Variants in MYH8 observed in about 807,000 individuals in gnomAD.
MYH8 encodes the protein myosin-8.
MYH8 carries 168 observed loss-of-function variants against 233.2 expected under a neutral mutation model. That is an observed-to-expected ratio of 0.72 (90% CI 0.64 to 0.82). The LOEUF (loss-of-function observed/expected upper bound fraction) is 0.82. MYH8 is among the 40% of genes least tolerant of loss of function. The probability of loss-of-function intolerance (pLI) is 0.00; values close to 1 mark genes in which losing one functional copy is unlikely to be tolerated. For missense variants in MYH8, 1,995 were observed against 2,327.8 expected, an observed-to-expected ratio of 0.86 and a Z score of 2.94; for synonymous variants, 785 against 850.6, an observed-to-expected ratio of 0.92 and a Z score of 1.34.
At position 10,406,405 on chromosome 17, in the gene MYH8, G is replaced by A; in HGVS notation, c.2172-8C>T. Reference sequence around the variant, plus strand: ...GCATTTAAAACCTTGTATCTGCTCAGTTAAAGAAAGAAAGAATGGTTAGGA... The same window carrying A: ...GCATTTAAAACCTTGTATCTGCTCAATTAAAGAAAGAAAGAATGGTTAGGA... On this transcript the variant is annotated splice_polypyrimidine_tract_variant and splice_region_variant and intron_variant, in intron 19 of 39. Transcript: ENST00000403437. 1 of 1,613,884 alleles carries A rather than the reference G, an allele frequency of 6.2e-7. No homozygotes were observed. Among genetic ancestry groups the A allele is most frequent in the Non-Finnish European group, 8.5e-7 (1 of 1,179,858 alleles).
chr17:10,394,606 G>C (rs1266784238), intron 34 of MYH8, among the ~76,000 whole-genome samples, 154 bp from the exon 35 acceptor site: 2 of 152,192 alleles, frequency 1.3e-5, no homozygotes, highest in African/African-American at 4.8e-5. Context: ...ATTTGCTTAG[G>C]GTGAGAGAGA....
intron 12 of MYH8, 152 bp downstream of exon 12, chr17:10,413,750 G>T: frequency 8.8e-7 from 1 of 1,141,330 alleles, no homozygotes. Flanking sequence ...ATGTAAGGAA[G>T]AGAGGGGGTG....
chr17:10,405,918 G>A (rs770478501), intron 21 of MYH8, 123 bp downstream of exon 21: 14 of 1,189,114 alleles, frequency 1.2e-5, no homozygotes, highest in East Asian at 2.3e-5. Flanking sequence ...TGTGTTGTAG[G>A]AGTGAGTTCT....
In MYH8 at chr17:10,410,593, A is replaced by G. The variant is rs184836419; in HGVS notation, c.1587+184T>C. ...AGAATAAGAATGGTTAGAACAGAAT[A>G]AAAGTAAACACTGTCAGATCTTTCT... On this transcript the variant is annotated intron_variant, in intron 15 of 39. Transcript: ENST00000403437. Among the ~76,000 whole-genome samples the G allele has an allele frequency of 2.4e-3, 369 of 152,388 alleles. 1 individual carries two copies. Among genetic ancestry groups the G allele is most frequent in the Middle Eastern group, 0.017 (5 of 294 alleles).
rs1350510984 is a variant in MYH8 at position 10,400,843 on chromosome 17, G to GA, written c.3345+25dup. ...AACTTCAGTGTTTTTTTGGTGTGCA[G>GA]AAAAAATAGAGGTGAGATGACTCAC... On this transcript the variant is annotated intron_variant, in intron 26 of 39. Transcript: ENST00000403437. This position sits in a 1 kb window ranked among gnomAD's most constrained non-coding sequence, Gnocchi z 4.0. 3 of 1,613,746 alleles carry GA rather than the reference G, an allele frequency of 1.9e-6. No homozygotes were observed. The highest frequency in any genetic ancestry group is 2.2e-5 in the East Asian group (1 of 44,882).
Position 10,406,949 on chromosome 17 carries a change from T to A in MYH8, c.1996A>T (p.Arg666Trp). 6.2e-7 allele frequency: 1 copy of A among 1,614,072 alleles called. No individual in the cohort carries two copies. The highest frequency in any genetic ancestry group is 8.5e-7 in the Non-Finnish European group (1 of 1,179,928). The stretch of plus-strand genomic sequence containing the variant: ...CGTACGAAGTGAGGGTGTGTGCTCC[T>A]CAGATTCGTCATCAATTTATTTAAA... ...ENLNKLMTNLRSTHPHFVRCI... is the reference protein window; with the variant it reads ...ENLNKLMTNLWSTHPHFVRCI... The change falls in exon 18 of 40, where the codon AGG becomes TGG. Residue 666 changes from arginine to tryptophan, a missense_variant. Physicochemically the swap from Arg to Trp is moderately radical, Grantham distance 101 (BLOSUM62 -3). This residue lies in a region of MYH8 where 1,498 missense variants were observed against 1,680.9 expected (regional missense o/e 0.89). Transcript: ENST00000403437.
chr17:10,406,855 C>G, intron 18 of MYH8, 37 bp downstream of exon 18: 1 of 1,611,676 alleles, frequency 6.2e-7, no homozygotes, highest in Non-Finnish European at 8.5e-7. Flanking sequence ...ACTTTCAAAC[C>G]TGTGCCCGTT....
intron 38 of MYH8, among the ~76,000 whole-genome samples, chr17:10,392,236 A>G (rs921036754): frequency 6.6e-6 from 1 of 152,228 alleles, no homozygotes; most frequent in African/African-American, 2.4e-5. Context: ...TCTATTTTAC[A>G]GGTGAAGAAA....
In MYH8 at chr17:10,400,293, A is replaced by G. The variant is rs926470101; in HGVS notation, c.3735+97T>C. The G allele has an allele frequency of 1.4e-6, 2 of 1,412,328 alleles. No homozygotes were observed. Among genetic ancestry groups the G allele is most frequent in the African/African-American group, 2.8e-5 (2 of 71,152 alleles). The allele number at this position is 1,412,328 out of a possible 1,614,324, so 87.5% of individuals were successfully genotyped here. On this transcript the variant is annotated intron_variant, in intron 27 of 39. Transcript: ENST00000403437. The surrounding 1 kb of genome is among the most constrained non-coding windows in gnomAD (Gnocchi z 4.0). The stretch of plus-strand genomic sequence containing the variant: ...GATATATTTGGTTAGAAAATATTTG[A>G]GTAGTGCTGTAAAATGCCTGCAAAC...
At chr17:10,410,019 A>T (rs934589067) in intron 15 of MYH8, among the ~76,000 whole-genome samples, 38 of 152,348 alleles carry the variant, frequency 2.5e-4, no homozygotes, top group Middle Eastern at 3.4e-3. Flanking sequence ...AAAATAGATT[A>T]TAGGCTGAGC....
intron 33 of MYH8, among the ~76,000 whole-genome samples, chr17:10,395,955 A>G (rs1161521192): frequency 1.3e-5 from 2 of 152,160 alleles, no homozygotes; most frequent in Admixed American, 6.5e-5. Flanking sequence ...ATATATTTTT[A>G]CATAATCAAA....
chr17:10,410,699 A>G, intron 15 of MYH8, 78 bp downstream of exon 15: 1 of 1,605,552 alleles, frequency 6.2e-7, no homozygotes, highest in Non-Finnish European at 8.5e-7. Context: ...TTGAGATTAC[A>G]GTAATACTTT....
intron 35 of MYH8, among the ~76,000 whole-genome samples, chr17:10,393,891 T>C (rs889248981): frequency 6.6e-6 from 1 of 152,090 alleles, no homozygotes; most frequent in South Asian, 2.1e-4. Flanking sequence ...CATTTTCAGA[T>C]TTTGGAGGCA....
intron 12 of MYH8, among the ~76,000 whole-genome samples, chr17:10,413,513 C>T (rs1273072121): frequency 6.6e-6 from 1 of 152,138 alleles, no homozygotes. Context: ...GTATCTTTCT[C>T]CCCAGCCCTG....
At position 10,419,144 on chromosome 17, in the gene MYH8, G is replaced by A. The variant is rs2072314846; in HGVS notation, c.211-114C>T. ...GCGATCTCAGCTCACTGCAACCTCC[G>A]CCCTCCTGCTTCAAGTGATTGTCCT... On this transcript the variant is annotated intron_variant, in intron 3 of 39. Transcript: ENST00000403437. The surrounding 1 kb of genome is among the most constrained non-coding windows in gnomAD (Gnocchi z 4.0). 4 of 1,228,312 alleles carry A rather than the reference G, an allele frequency of 3.3e-6. No individual in the cohort carries two copies. The highest frequency in any genetic ancestry group is 2.3e-6 in the Non-Finnish European group (2 of 853,372). The allele number at this position is 1,228,312 out of a possible 1,614,324, so 76.1% of individuals were successfully genotyped here.
At chr17:10,398,966 G>A (rs1028715096) in intron 28 of MYH8, 80 bp from the exon 29 acceptor site, 53 of 712,764 alleles carry the variant, frequency 7.4e-5, no homozygotes, top group African/African-American at 5.0e-4. Flanking sequence ...ATGTGTGTGT[G>A]TATATATATA....
Position 10,392,918 on chromosome 17 carries a change from C to A in MYH8, c.5376G>T (p.Thr1792=), listed in dbSNP as rs200951146. ...CTAGACGATGCTGCAGGTCCTTCAC[C>A]GTCTGCTCCAGGTTCTTCTTCATCC... The part of the protein sequence containing the change: ...LERMKKNLEQ[T]VKDLQHRLDE... The change falls in exon 37 of 40, where the codon ACG becomes ACT. Residue 1792 remains threonine, a synonymous_variant. Coordinates refer to ENST00000403437, the MANE Select transcript of MYH8 (RefSeq NM_002472.3). 10 of 1,614,214 alleles carry A rather than the reference C, an allele frequency of 6.2e-6. No individual in the cohort carries two copies. In the South Asian group the frequency reaches 1.1e-4, roughly 18 times the overall value.
In MYH8 at chr17:10,396,199, A is replaced by G. The variant is rs1231233791; in HGVS notation, c.4653+131T>C. Reference sequence around the variant, plus strand: ...GATAGGTCAGAGTATTTACATTTTTAAGGATTTTGATAACTATTGCCAAGT... The same window carrying G: ...GATAGGTCAGAGTATTTACATTTTTGAGGATTTTGATAACTATTGCCAAGT... On this transcript the variant is annotated intron_variant, in intron 33 of 39. Coordinates refer to ENST00000403437, the MANE Select transcript of MYH8 (RefSeq NM_002472.3). This position sits in a 1 kb window ranked among gnomAD's most constrained non-coding sequence, Gnocchi z 4.2. 1 of 1,066,718 alleles carries G rather than the reference A, an allele frequency of 9.4e-7. No individual in the cohort carries two copies. Among genetic ancestry groups the G allele is most frequent in the Admixed American group, 2.2e-5 (1 of 46,124 alleles). 66.1% of individuals were successfully genotyped at this position (1,066,718 alleles called of 1,614,324 possible).
chr17:10,418,968 C>G lies in MYH8; in HGVS notation c.273G>C (p.Glu91Asp), dbSNP rs148638810. 1.4e-5 allele frequency: 23 copies of G among 1,613,710 alleles called. No homozygotes were observed. The African/African-American group carries it at 2.7e-4, about 19-fold the overall frequency. The change falls in exon 4 of 40, where the codon GAG becomes GAC. Residue 91 changes from glutamate (E) to aspartate (D), a missense_variant. Glu to Asp is a conservative substitution (Grantham distance 45). Transcript: ENST00000403437. Reference protein sequence around the residue: ...PMNPPKYDKIEDMAMMTHLHE... With the variant: ...PMNPPKYDKIDDMAMMTHLHE... ...GTAGATGAGTCATCATGGCCATGTC[C>G]TCAATTTTGTCATATTTCGGAGGGT...
Sources: allele counts gnomAD v4.1 joint callset (sites outside exome capture counted in the v4.1 genomes callset), GRCh38; gene constraint gnomAD v4.1.1; regional missense constraint gnomAD v4.1.1; non-coding constraint Gnocchi (gnomAD v3.1); transcripts MANE v1.5; gene names NCBI Gene and HGNC (gene_info 2026-07-23, HGNC 2026-07-21).